The following AGBL1 variants were observed in gnomAD, a reference collection of about 807,000 sequenced individuals.
The protein encoded by AGBL1 is AGBL carboxypeptidase 1, also known as cytosolic carboxypeptidase 4.
In AGBL1, 130 loss-of-function variants were observed where a neutral mutation model predicts 118.9. The observed-to-expected ratio is 1.09, with a 90% CI of 0.95 to 1.26. The LOEUF (loss-of-function observed/expected upper bound fraction) is 1.26, where lower values mean the gene tolerates loss of function less well. Among genes scored for constraint, AGBL1 ranks in the 50% most tolerant of loss-of-function variants. The pLI, the probability that AGBL1 is intolerant of heterozygous loss-of-function variation, is 0.00. For missense variants in AGBL1, 1,584 were observed against 1,298.1 expected, an observed-to-expected ratio of 1.22 and a Z score of -3.38; for synonymous variants, 555 against 478.9, an observed-to-expected ratio of 1.16 and a Z score of -2.08.
chr15:86,810,097 A>G, intron 22 of AGBL1, among the ~76,000 whole-genome samples: 1 of 152,166 alleles, frequency 6.6e-6, no homozygotes, highest in Admixed American at 6.6e-5. Flanking sequence ...GCCTCAAATA[A>G]GTTCAAACTT....
intron 21 of AGBL1, among the ~76,000 whole-genome samples, chr15:86,626,887 G>C (rs1258763331): frequency 1.3e-5 from 2 of 148,710 alleles, no homozygotes; most frequent in Admixed American, 6.7e-5. Flanking sequence ...CCCCAGGTTG[G>C]AGTGCAGTGG....
chr15:86,624,275 A>G (rs1055211763), intron 21 of AGBL1, among the ~76,000 whole-genome samples: 6 of 152,252 alleles, frequency 3.9e-5, no homozygotes, highest in Non-Finnish European at 1.5e-5. Flanking sequence ...ATTGAATGTT[A>G]AAAGTATGAG....
In AGBL1 at chr15:86,213,463, C is replaced by G. The variant is rs367903284; in HGVS notation, c.489-11451C>G. On this transcript the variant is annotated intron_variant, in intron 5 of 22. Coordinates refer to ENST00000614907, the MANE Select transcript of AGBL1 (RefSeq NM_001386094.1). ...GAAGTGCAGTTTCTCAGGTCCCACC[C>G]TAGACCTCCTGTGTCAGGAACTTCG... Among the ~76,000 whole-genome samples the G allele has an allele frequency of 2.1e-4, 32 of 152,280 alleles. No individual in the cohort carries two copies. In the South Asian group the frequency reaches 5.8e-3, roughly 28 times the overall value.
intron 21 of AGBL1, among the ~76,000 whole-genome samples, chr15:86,639,128 T>C (rs2085151477): frequency 6.6e-6 from 1 of 152,128 alleles, no homozygotes; most frequent in Non-Finnish European, 1.5e-5. Flanking sequence ...AACCATAGAA[T>C]TGACATCTCG....
intron 23 of AGBL1, among the ~76,000 whole-genome samples, chr15:86,942,452 T>C (rs570800416): frequency 2.0e-5 from 3 of 152,226 alleles, no homozygotes; most frequent in Non-Finnish European, 2.9e-5. Context: ...TCTGAACTTG[T>C]GGCTTCTTAG....
At chr15:86,683,937 T>C (rs2086008602) in intron 22 of AGBL1, among the ~76,000 whole-genome samples, 1 of 152,176 alleles carries the variant, frequency 6.6e-6, no homozygotes, top group South Asian at 2.1e-4. Flanking sequence ...ATCTAATTCT[T>C]ATTTCTTTTT....
chr15:86,718,365 A>G (rs1383521267), intron 22 of AGBL1, among the ~76,000 whole-genome samples: 1 of 152,150 alleles, frequency 6.6e-6, no homozygotes, highest in Non-Finnish European at 1.5e-5. Context: ...AGGGTGGGGA[A>G]CATCACACAC....
intron 17 of AGBL1, among the ~76,000 whole-genome samples, chr15:86,385,853 A>G (rs1567229512): frequency 6.6e-6 from 1 of 151,978 alleles, no homozygotes; most frequent in Non-Finnish European, 1.5e-5. Context: ...TTTTATTTTC[A>G]TATGTTAGGA....
At chr15:86,710,465 A>G (rs2086536954) in intron 22 of AGBL1, among the ~76,000 whole-genome samples, 1 of 152,216 alleles carries the variant, frequency 6.6e-6, no homozygotes, top group South Asian at 2.1e-4. Flanking sequence ...ATTTGAGCTG[A>G]TACTTAAGGC....
At chr15:86,154,603 C>G in intron 4 of AGBL1, 42 bp downstream of exon 4, 1 of 1,574,720 alleles carries the variant, frequency 6.4e-7, no homozygotes, top group Non-Finnish European at 8.6e-7. Context: ...GCTTCCAAAC[C>G]TGGGCTGGGA....
At chr15:86,144,212 G>C (rs2077002780) in intron 3 of AGBL1, among the ~76,000 whole-genome samples, 1 of 152,230 alleles carries the variant, frequency 6.6e-6, no homozygotes, top group East Asian at 1.9e-4. Flanking sequence ...CTTATACACT[G>C]TTGGTGGGAG....
intron 23 of AGBL1, among the ~76,000 whole-genome samples, chr15:86,950,089 A>G (rs554968763): frequency 6.6e-6 from 1 of 152,038 alleles, no homozygotes; most frequent in Non-Finnish European, 1.5e-5. Context: ...ATTTTGAACT[A>G]AAAGACCAAA....
chr15:86,674,302 G>C lies in AGBL1; in HGVS notation c.3024G>C (p.Glu1008Asp), dbSNP rs1216076187. ...TACAGTTTGGTACCAGAGAACTGGAGGAGATGGGAGCCATGTTCTGTTTGG... is the reference window on the plus strand; with the variant it reads ...TACAGTTTGGTACCAGAGAACTGGACGAGATGGGAGCCATGTTCTGTTTGG... ...QGLQFGTREL[E>D]EMGAMFCLGL... The change falls in exon 22 of 23, where the codon GAG becomes GAC. Residue 1008 changes from glutamate to aspartate, a missense_variant. Coordinates refer to ENST00000614907, the MANE Select transcript of AGBL1 (RefSeq NM_001386094.1). 1.2e-6 allele frequency: 2 copies of C among 1,611,686 alleles called. No individual in the cohort carries two copies. Among genetic ancestry groups the C allele is most frequent in the East Asian group, 2.2e-5 (1 of 44,688 alleles).
At chr15:86,323,277 CAT>C (rs2080133646) in intron 17 of AGBL1, among the ~76,000 whole-genome samples, 2 of 151,164 alleles carry the variant, frequency 1.3e-5, no homozygotes, top group Non-Finnish European at 2.9e-5. Flanking sequence ...GAATATTTTT[CAT>C]ATCTTATTCT....
intron 21 of AGBL1, among the ~76,000 whole-genome samples, chr15:86,632,958 A>G (rs934283668): frequency 2.6e-5 from 4 of 152,364 alleles, no homozygotes; most frequent in Middle Eastern, 3.4e-3. Flanking sequence ...CTACAAAAAC[A>G]CAAAAGCAAT....
chr15:86,713,957 G>A (rs187287396), intron 22 of AGBL1, among the ~76,000 whole-genome samples: 31 of 152,296 alleles, frequency 2.0e-4, no homozygotes, highest in African/African-American at 6.7e-4. Context: ...GGGTGTCTAC[G>A]TGTGTCTTTC....
At chr15:86,882,768 G>A (rs2079914254) in intron 22 of AGBL1, among the ~76,000 whole-genome samples, 1 of 152,050 alleles carries the variant, frequency 6.6e-6, no homozygotes, top group Non-Finnish European at 1.5e-5. Flanking sequence ...CTCACTGGAG[G>A]CATTTTCTCT....
At chr15:86,089,579 T>A (rs1895887786) in intron 1 of AGBL1, among the ~76,000 whole-genome samples, 1 of 152,136 alleles carries the variant, frequency 6.6e-6, no homozygotes, top group Admixed American at 6.5e-5. Flanking sequence ...CCTAGGGGAT[T>A]TGGAGAAAAG....
At chr15:86,797,120 A>G (rs1268191313) in intron 22 of AGBL1, among the ~76,000 whole-genome samples, 1 of 152,212 alleles carries the variant, frequency 6.6e-6, no homozygotes, top group Admixed American at 6.5e-5. Context: ...AGGACCTCTG[A>G]AGATTAAATT....
Sources: allele counts gnomAD v4.1 joint callset (sites outside exome capture counted in the v4.1 genomes callset), GRCh38; gene constraint gnomAD v4.1.1; transcripts MANE v1.5; gene names NCBI Gene and HGNC (gene_info 2026-07-23, HGNC 2026-07-21).